Variants in MBIP observed in about 807,000 individuals in gnomAD.
MBIP encodes MAP3K12-binding inhibitory protein 1.
A neutral mutation model predicts 45.7 loss-of-function variants in MBIP; 32 were observed. That is an observed-to-expected ratio of 0.70 (90% CI 0.53 to 0.94). The LOEUF (loss-of-function observed/expected upper bound fraction) is 0.94. Among genes scored for constraint, MBIP ranks in the 40% least tolerant of loss-of-function variants. The pLI is 0.00. For missense variants in MBIP, 381 were observed against 405.5 expected (o/e 0.94, Z 0.52); for synonymous variants, 145 against 141.0 (o/e 1.03, Z -0.20).
At position 36,302,448 on chromosome 14, in the gene MBIP, C is replaced by T. The variant is rs370755798; in HGVS notation, c.889-1625G>A. On this transcript the variant is annotated intron_variant, in intron 7 of 8. Transcript: ENST00000416007. ...CGGAGGTTGCAGTGAGCCGAGACTG[C>T]ACCACTGCACTCCAGCCTGGGCGAC... Among the ~76,000 whole-genome samples the T allele has an allele frequency of 2.1e-4, 31 of 146,446 alleles. No homozygotes were observed. The East Asian group carries it at 5.4e-3, about 26-fold the overall frequency.
intron 7 of MBIP, among the ~76,000 whole-genome samples, chr14:36,307,646 T>C (rs1176725574): frequency 4.6e-5 from 7 of 152,062 alleles, no homozygotes; most frequent in African/African-American, 1.4e-4. Context: ...AGAATAAGAG[T>C]GGCAGCTTGA....
At chr14:36,319,623 G>T (rs1162452535) in intron 1 of MBIP, 3 of 425,848 alleles carry the variant, frequency 7.0e-6, no homozygotes, top group Non-Finnish European at 1.4e-5. Context: ...GTCCACTTGC[G>T]CTAGTACCAG....
intron 5 of MBIP, 82 bp from the exon 6 acceptor site, chr14:36,311,807 T>C (rs1880228992): frequency 7.5e-7 from 1 of 1,325,878 alleles, no homozygotes. Context: ...ACTTTATATT[T>C]TTTTCATAAA....
At chr14:36,318,117 T>C (rs1158695749) in intron 1 of MBIP, among the ~76,000 whole-genome samples, 1 of 152,088 alleles carries the variant, frequency 6.6e-6, no homozygotes, top group East Asian at 1.9e-4. Context: ...ATAAAGATTT[T>C]GTTAGACAAC....
At chr14:36,311,435 A>C (rs900035952) in intron 6 of MBIP, 138 bp downstream of exon 6, 1 of 708,252 alleles carries the variant, frequency 1.4e-6, no homozygotes. Context: ...TGACATACAC[A>C]TAACACTTCC....
At position 36,314,728 on chromosome 14, in the gene MBIP, T is replaced by C. The variant is rs767365791; in HGVS notation, c.437A>G (p.Asp146Gly). Reference protein sequence around the residue: ...RDVKKTQIHFDPEVVQIKAGK... With the variant: ...RDVKKTQIHFGPEVVQIKAGK... ...AGCCTTTATCTGAACTACTTCTGGA[T>C]CAAAATGGATCTGTGTCTTTTTCAC... Residue 146 changes from aspartate to glycine, a missense_variant, in exon 3 of 9, where the codon GAT (aspartate) becomes GGT (glycine). By Grantham distance (94) the Asp-to-Gly change is moderately conservative (BLOSUM62 -1). Transcript: ENST00000416007. The C allele has an allele frequency of 1.9e-6, 3 of 1,613,668 alleles. No homozygotes were observed. The Admixed American group carries it at 5.0e-5, about 27-fold the overall frequency.
At chr14:36,302,444 A>G (rs945391251) in intron 7 of MBIP, among the ~76,000 whole-genome samples, 2 of 147,592 alleles carry the variant, frequency 1.4e-5, no homozygotes, top group African/African-American at 5.0e-5. Flanking sequence ...GTGAGCCGAG[A>G]CTGCACCACT....
intron 6 of MBIP, among the ~76,000 whole-genome samples, chr14:36,310,599 A>G (rs1594516094): frequency 6.6e-6 from 1 of 152,260 alleles, no homozygotes; most frequent in Non-Finnish European, 1.5e-5. Context: ...TATGACAGAC[A>G]TAGTTGCACT....
intron 2 of MBIP, among the ~76,000 whole-genome samples, 173 bp from the exon 3 acceptor site, chr14:36,315,088 ATTCTCTGCTATTGT>A (rs1880487951): frequency 6.6e-6 from 1 of 152,104 alleles, no homozygotes; most frequent in African/African-American, 2.4e-5. Context: ...AGTACTCACT[ATTCTCTGCTATTGT>A]AACCATTATC....
At chr14:36,315,468 TGAGTGAACACTCA>T (rs1880510435) in intron 2 of MBIP, among the ~76,000 whole-genome samples, 1 of 152,072 alleles carries the variant, frequency 6.6e-6, no homozygotes, top group Non-Finnish European at 1.5e-5. Context: ...GGTGTTAGGC[TGAGTGAACACTCA>T]GACTTTTCCT....
At chr14:36,315,845 AT>A (rs1880536041) in intron 2 of MBIP, among the ~76,000 whole-genome samples, 1 of 152,086 alleles carries the variant, frequency 6.6e-6, no homozygotes, top group Admixed American at 6.5e-5. Flanking sequence ...CGTTCCAATT[AT>A]TTTTTTCATA....
chr14:36,318,355 T>C (rs941597224), intron 1 of MBIP, among the ~76,000 whole-genome samples: 3 of 151,994 alleles, frequency 2.0e-5, no homozygotes, highest in Non-Finnish European at 4.4e-5. Flanking sequence ...AAGCTTCAAG[T>C]GCAATTAAGA....
chr14:36,306,210 T>G (rs1328253751), intron 7 of MBIP, among the ~76,000 whole-genome samples: 1 of 152,080 alleles, frequency 6.6e-6, no homozygotes, highest in African/African-American at 2.4e-5. Context: ...ACAAAAAGAT[T>G]ATGATGTGGA....
chr14:36,299,240 A>G lies in MBIP; in HGVS notation c.928-50T>C, dbSNP rs781101416. On this transcript the variant is annotated intron_variant, in intron 8 of 8. Coordinates refer to ENST00000416007, the MANE Select transcript of MBIP (RefSeq NM_016586.3). ...GCTGAATAAGATTCTGAAGTATCTT[A>G]ATGCAGATAAAGTGCCAAATGAACT... The G allele has an allele frequency of 2.4e-6, 3 of 1,241,536 alleles. No homozygotes were observed. The African/African-American group carries it at 4.5e-5, about 18-fold the overall frequency. 76.9% of individuals were successfully genotyped at this position (1,241,536 alleles called of 1,614,324 possible).
chr14:36,313,733 A>C (rs1342685860), intron 4 of MBIP: 1 of 152,148 alleles, frequency 6.6e-6, no homozygotes, highest in Non-Finnish European at 1.5e-5. Context: ...TTCTAGGTTC[A>C]TCTGACAATT....
Position 36,312,777 on chromosome 14 carries a change from T to C in MBIP, c.572-753A>G, listed in dbSNP as rs539931545. ...AACTAATTAACATAATTGTTATATATTAACATACGATACTACATAGTAATA... is the reference window on the plus strand; with the variant it reads ...AACTAATTAACATAATTGTTATATACTAACATACGATACTACATAGTAATA... On this transcript the variant is annotated intron_variant, in intron 4 of 8. Coordinates refer to ENST00000416007, the MANE Select transcript of MBIP (RefSeq NM_016586.3). 1.1e-4 allele frequency among the ~76,000 whole-genome samples: 16 copies of C among 150,634 alleles called. No individual in the cohort carries two copies. In the South Asian group the frequency reaches 2.3e-3, roughly 21 times the overall value.
chr14:36,302,065 G>T (rs937048513), intron 7 of MBIP, among the ~76,000 whole-genome samples: 1 of 152,212 alleles, frequency 6.6e-6, no homozygotes, highest in African/African-American at 2.4e-5. Flanking sequence ...AGATAATTAT[G>T]CTCCTTCCTT....
chr14:36,306,880 G>T (rs949334144), intron 7 of MBIP, among the ~76,000 whole-genome samples: 9 of 152,182 alleles, frequency 5.9e-5, no homozygotes, highest in African/African-American at 2.2e-4. Flanking sequence ...AAAGACCTTT[G>T]TAATTATGTA....
Position 36,314,605 on chromosome 14 carries a change from C to CTTTTGGTCTTTTGGGCT in MBIP, c.477_478insAGCCCAAAAGACCAAAA (p.Asp160SerfsTer58). On this transcript the variant is annotated frameshift_variant, in exon 4 of 9. Coordinates refer to ENST00000416007, the MANE Select transcript of MBIP (RefSeq NM_016586.3). LOFTEE classifies it high-confidence loss of function. ...TCAATAAATGCAGATATTCGTCTGT[C>CTTTTGGTCTTTTGGGCT]AATCTACAAACAACAAGTTTTAACA... 6.2e-7 allele frequency: 1 copy of CTTTTGGTCTTTTGGGCT among 1,609,758 alleles called. No homozygotes were observed. Among genetic ancestry groups the CTTTTGGTCTTTTGGGCT allele is most frequent in the Non-Finnish European group, 8.5e-7 (1 of 1,178,130 alleles).
Sources: allele counts gnomAD v4.1 joint callset (sites outside exome capture counted in the v4.1 genomes callset), GRCh38; gene constraint gnomAD v4.1.1; transcripts MANE v1.5; gene names NCBI Gene and HGNC (gene_info 2026-07-23, HGNC 2026-07-21).